DPY19L2: variants seen among roughly 807,000 people sequenced by gnomAD.
The protein encoded by DPY19L2 is probable C-mannosyltransferase DPY19L2.
Under a neutral mutation model 97.9 loss-of-function variants are expected in DPY19L2, and 34 were observed. The ratio of observed to expected loss-of-function variants is 0.35; its 90% CI spans 0.26 to 0.46. The LOEUF (loss-of-function observed/expected upper bound fraction) is 0.46, where lower values mean the gene tolerates loss of function less well. Among genes scored for constraint, DPY19L2 ranks in the 20% least tolerant of loss-of-function variants. The probability of loss-of-function intolerance (pLI) is 1.00; values close to 1 mark genes in which losing one functional copy is unlikely to be tolerated. For synonymous variants in DPY19L2, 230 were observed against 307.9 expected (o/e 0.75, Z 2.65); for missense variants, 623 against 911.4 (o/e 0.68, Z 4.07).
At chr12:63,627,391 C>T (rs1284611625) in intron 6 of DPY19L2, among the ~76,000 whole-genome samples, 1 of 152,036 alleles carries the variant, frequency 6.6e-6, no homozygotes, top group Non-Finnish European at 1.5e-5. Context: ...GCTCTGTCAC[C>T]CAGGCTGGAG....
intron 4 of DPY19L2, among the ~76,000 whole-genome samples, chr12:63,652,544 G>A (rs547813344): frequency 7.2e-5 from 11 of 152,260 alleles, no homozygotes; most frequent in East Asian, 1.9e-4. Context: ...ATAGTGGAAC[G>A]GATAAAGAAA....
In DPY19L2 at chr12:63,597,802, T is replaced by C; in HGVS notation, c.1461+7A>G. On this transcript the variant is annotated splice_region_variant and intron_variant, in intron 14 of 21. Coordinates refer to ENST00000324472, the MANE Select transcript of DPY19L2 (RefSeq NM_173812.5). ...TTAGTAGAGAAGGAAAAAAGAAACA[T>C]TCATACCGCTTTTTCCATGAAGTCA... is the stretch of plus-strand genomic sequence containing the variant. The C allele has an allele frequency of 2.5e-6, 4 of 1,601,264 alleles. No individual in the cohort carries two copies. Among genetic ancestry groups the C allele is most frequent in the South Asian group, 1.1e-5 (1 of 89,256 alleles).
chr12:63,561,873 T>A (rs571007313), intron 21 of DPY19L2, among the ~76,000 whole-genome samples: 1 of 152,286 alleles, frequency 6.6e-6, no homozygotes, highest in South Asian at 2.1e-4. Context: ...TCAAAACTCT[T>A]TTCCAGAGTA....
chr12:63,587,658 C>T (rs755485796), intron 16 of DPY19L2, among the ~76,000 whole-genome samples: 3 of 151,422 alleles, frequency 2.0e-5, no homozygotes, highest in African/African-American at 7.3e-5. Flanking sequence ...CTGCAACCTC[C>T]AACTCCTGGG....
chr12:63,573,530 A>G (rs1183367576), intron 19 of DPY19L2, among the ~76,000 whole-genome samples: 1 of 152,128 alleles, frequency 6.6e-6, no homozygotes, highest in African/African-American at 2.4e-5. Context: ...AAGTTTATTC[A>G]AAAGTGTAAC....
chr12:63,624,391 T>C (rs143421728), intron 7 of DPY19L2, among the ~76,000 whole-genome samples: 4,491 of 152,102 alleles, frequency 0.03, 104 homozygotes, highest in Middle Eastern at 0.082. Flanking sequence ...AACAAGATTG[T>C]ACGTATAAGA....
rs192235182 is a variant in DPY19L2 at position 63,587,164 on chromosome 12, C to G, written c.1581-3328G>C. ...ATTTTATACAAAGAAAAATTTACAGCAAAAAACCACTAAGTAAAGCAAAGA... is the reference window on the plus strand; with the variant it reads ...ATTTTATACAAAGAAAAATTTACAGGAAAAAACCACTAAGTAAAGCAAAGA... On this transcript the variant is annotated intron_variant, in intron 16 of 21. Coordinates refer to ENST00000324472, the MANE Select transcript of DPY19L2 (RefSeq NM_173812.5). 3.9e-5 allele frequency among the ~76,000 whole-genome samples: 6 copies of G among 151,910 alleles called. No homozygotes were observed. The East Asian group carries it at 1.2e-3, about 29-fold the overall frequency.
At chr12:63,617,141 T>C (rs1592586723) in intron 11 of DPY19L2, among the ~76,000 whole-genome samples, 163 bp downstream of exon 11, 1 of 152,270 alleles carries the variant, frequency 6.6e-6, no homozygotes, top group East Asian at 1.9e-4. Flanking sequence ...TACTATAGTA[T>C]TTTTCAAGGA....
intron 15 of DPY19L2, among the ~76,000 whole-genome samples, chr12:63,594,369 G>C (rs11175062): frequency 0.4 from 59,964 of 151,418 alleles, 11,975 homozygotes; most frequent in East Asian, 0.47. Flanking sequence ...TGAAAAATAA[G>C]CCACAATAGG....
chr12:63,588,575 A>G, intron 16 of DPY19L2, among the ~76,000 whole-genome samples: 1 of 152,206 alleles, frequency 6.6e-6, no homozygotes. Flanking sequence ...TAATAAGGAG[A>G]AAAAATATAT....
intron 9 of DPY19L2, among the ~76,000 whole-genome samples, chr12:63,619,461 G>A (rs1438941132): frequency 1.3e-5 from 2 of 151,232 alleles, no homozygotes; most frequent in Non-Finnish European, 2.9e-5. Context: ...AAAAATGAAA[G>A]CCTAGTATAT....
At chr12:63,636,553 A>G (rs1891738521) in intron 6 of DPY19L2, among the ~76,000 whole-genome samples, 1 of 152,148 alleles carries the variant, frequency 6.6e-6, no homozygotes, top group Admixed American at 6.5e-5. Flanking sequence ...AGAGACACAC[A>G]TAGGCTCAAA....
intron 19 of DPY19L2, among the ~76,000 whole-genome samples, chr12:63,575,764 A>G (rs1249098215): frequency 6.6e-6 from 1 of 151,998 alleles, no homozygotes; most frequent in Non-Finnish European, 1.5e-5. Flanking sequence ...AAACCTGAAC[A>G]GACCAATCAC....
intron 6 of DPY19L2, among the ~76,000 whole-genome samples, chr12:63,626,804 G>A (rs747043482): frequency 2.0e-5 from 3 of 151,772 alleles, no homozygotes; most frequent in Non-Finnish European, 2.9e-5. Context: ...TTTGAGATGG[G>A]ATCTTGCTCT....
chr12:63,616,340 G>GT (rs1294728636), intron 11 of DPY19L2, among the ~76,000 whole-genome samples: 1 of 152,180 alleles, frequency 6.6e-6, no homozygotes, highest in African/African-American at 2.4e-5. Context: ...TGGTGAAATA[G>GT]TTTGACAAAA....
chr12:63,583,257 A>T (rs1881249334), intron 17 of DPY19L2, among the ~76,000 whole-genome samples: 1 of 152,270 alleles, frequency 6.6e-6, no homozygotes, highest in Middle Eastern at 3.4e-3. Flanking sequence ...TTACCTCAAG[A>T]CCCACTTAAA....
chr12:63,647,331 C>G lies in DPY19L2; in HGVS notation c.623G>C (p.Gly208Ala). ...TTCTAGTCCAAATAAATTCATTATT[C>G]CCATGAATGTGCAATACCAGGAGGC... ...IIASWYCTFM[G>A]IMNLFGLETK... The change falls in exon 5 of 22, where the codon GGA becomes GCA. Residue 208 changes from glycine to alanine, a missense_variant. By Grantham distance (60) the Gly-to-Ala change is moderately conservative. Coordinates refer to ENST00000324472, the MANE Select transcript of DPY19L2 (RefSeq NM_173812.5). The G allele has an allele frequency of 6.3e-7, 1 of 1,590,456 alleles. No individual in the cohort carries two copies. The highest frequency in any genetic ancestry group is 8.6e-7 in the Non-Finnish European group (1 of 1,167,530).
intron 16 of DPY19L2, among the ~76,000 whole-genome samples, chr12:63,593,836 T>A (rs1052794743): frequency 5.3e-5 from 8 of 152,076 alleles, no homozygotes; most frequent in African/African-American, 1.4e-4. Flanking sequence ...GACTTTAAAT[T>A]CTAATATTAT....
At chr12:63,576,782 T>C (rs1486218898) in intron 19 of DPY19L2, among the ~76,000 whole-genome samples, 1 of 151,716 alleles carries the variant, frequency 6.6e-6, no homozygotes, top group African/African-American at 2.4e-5. Context: ...AGAAAGAAAT[T>C]GAAGAAGATA....
Sources: allele counts gnomAD v4.1 joint callset (sites outside exome capture counted in the v4.1 genomes callset), GRCh38; gene constraint gnomAD v4.1.1; transcripts MANE v1.5; gene names NCBI Gene and HGNC (gene_info 2026-07-23, HGNC 2026-07-21).